Variants in EDAR observed in about 807,000 individuals in gnomAD.
The protein encoded by EDAR is tumor necrosis factor receptor superfamily member EDAR.
A neutral mutation model predicts 51.3 loss-of-function variants in EDAR; 38 were observed. The observed-to-expected ratio is 0.74, with a 90% CI of 0.57 to 0.97. EDAR has a LOEUF of 0.97. Among genes scored for constraint, EDAR ranks in the 50% least tolerant of loss-of-function variants. The pLI is 0.00. For missense variants in EDAR, 528 were observed against 595.0 expected (o/e 0.89, Z 1.17); for synonymous variants, 227 against 242.1 (o/e 0.94, Z 0.58).
chr2:108,925,402 G>A (rs1697233874), intron 4 of EDAR, among the ~76,000 whole-genome samples: 1 of 152,226 alleles, frequency 6.6e-6, no homozygotes, highest in South Asian at 2.1e-4. Flanking sequence ...CACGGCGGAT[G>A]CACAACACCC....
intron 5 of EDAR, among the ~76,000 whole-genome samples, chr2:108,914,023 G>A (rs1402868506): frequency 6.6e-6 from 1 of 151,816 alleles, no homozygotes; most frequent in Non-Finnish European, 1.5e-5. Flanking sequence ...CACTTTGGGA[G>A]GCCAAGGTGG....
chr2:108,950,331 G>T (rs1697800937), intron 1 of EDAR, among the ~76,000 whole-genome samples: 1 of 151,084 alleles, frequency 6.6e-6, no homozygotes, highest in Non-Finnish European at 1.5e-5. Context: ...GCTCACTGCA[G>T]CATCAAATTT....
intron 1 of EDAR, among the ~76,000 whole-genome samples, chr2:108,960,375 C>T (rs1431395828): frequency 6.6e-6 from 1 of 152,216 alleles, no homozygotes; most frequent in African/African-American, 2.4e-5. Context: ...TCTCAAGACG[C>T]TCTTGCTGAT....
intron 11 of EDAR, among the ~76,000 whole-genome samples, chr2:108,898,313 A>C (rs1696638744): frequency 6.6e-6 from 1 of 152,108 alleles, no homozygotes; most frequent in Admixed American, 6.5e-5. Context: ...CCCCGTGGTG[A>C]CCATGTCAGT....
rs373065732 is a variant in EDAR, at chr2:108,905,894, C to T, written c.1024+414G>A. Among the ~76,000 whole-genome samples, 4 of 152,180 alleles carry T rather than the reference C, an allele frequency of 2.6e-5. No homozygotes were observed. The South Asian group carries it at 6.2e-4, about 24-fold the overall frequency. On this transcript the variant is annotated intron_variant, in intron 11 of 11. Coordinates refer to ENST00000258443, the MANE Select transcript of EDAR (RefSeq NM_022336.4). ...GGAGGCTCCCAGGGCTATCAGACAT[C>T]GGGGATGCTCGAGGGCAGGGAGAGG...
At chr2:108,927,934 C>A (rs1037770115) in intron 4 of EDAR, among the ~76,000 whole-genome samples, 5 of 152,114 alleles carry the variant, frequency 3.3e-5, no homozygotes, top group Non-Finnish European at 7.4e-5. Context: ...CCATCTGCAC[C>A]CCTGGTCAGT....
intron 1 of EDAR, among the ~76,000 whole-genome samples, chr2:108,984,690 GTT>G (rs147598264): frequency 1.3e-5 from 2 of 150,594 alleles, no homozygotes; most frequent in Non-Finnish European, 3.0e-5. Flanking sequence ...TAGTTTGTTT[GTT>G]TTTTTTTCAT....
At chr2:108,965,514 T>A (rs1698135203) in intron 1 of EDAR, among the ~76,000 whole-genome samples, 2 of 150,672 alleles carry the variant, frequency 1.3e-5, no homozygotes, top group African/African-American at 4.9e-5. Flanking sequence ...CAGATACAGG[T>A]CTTTTGGGGA....
In EDAR at chr2:108,917,652, G is replaced by C. The variant is rs75705217; in HGVS notation, c.443-4888C>G. 4.7e-3 allele frequency among the ~76,000 whole-genome samples: 722 copies of C among 152,258 alleles called. 7 individuals are homozygous for C. Among genetic ancestry groups the C allele is most frequent in the South Asian group, 0.022 (107 of 4,826 alleles). On this transcript the variant is annotated intron_variant, in intron 5 of 11. Transcript: ENST00000258443. Reference sequence around the variant, plus strand: ...GAAGGTATGCTAAGACTAGAGGGGGGTCAAACGGGAGGCGGTGGGCCTTGC... The same window carrying C: ...GAAGGTATGCTAAGACTAGAGGGGGCTCAAACGGGAGGCGGTGGGCCTTGC...
Position 108,944,959 on chromosome 2 carries a change from C to T in EDAR, c.-18-13927G>A, listed in dbSNP as rs1697688040. Among the ~76,000 whole-genome samples the T allele has an allele frequency of 3.9e-5, 6 of 152,186 alleles. No homozygotes were observed. The South Asian group carries it at 1.2e-3, about 32-fold the overall frequency. On this transcript the variant is annotated intron_variant, in intron 1 of 11. Coordinates refer to ENST00000258443, the MANE Select transcript of EDAR (RefSeq NM_022336.4). ...CTAGGGTGTCCCTGCTTGGATGTTTCCCGTGGTGCAAAGGGCAAGGTTTCA... is the reference window on the plus strand; with the variant it reads ...CTAGGGTGTCCCTGCTTGGATGTTTTCCGTGGTGCAAAGGGCAAGGTTTCA...
intron 5 of EDAR, 103 bp from the exon 6 acceptor site, chr2:108,912,867 G>T: frequency 1.0e-6 from 1 of 968,096 alleles, no homozygotes. Context: ...GAATGGGCCT[G>T]AGGCAGTGAT....
intron 1 of EDAR, among the ~76,000 whole-genome samples, chr2:108,979,088 G>C (rs962060695): frequency 2.6e-5 from 4 of 152,300 alleles, no homozygotes; most frequent in Admixed American, 1.3e-4. Context: ...TGGAAAACCA[G>C]ATTCACTGAA....
intron 5 of EDAR, among the ~76,000 whole-genome samples, chr2:108,914,213 TCACACCACTGCACTCTA>T (rs1696986117): frequency 6.6e-6 from 1 of 151,302 alleles, no homozygotes; most frequent in Non-Finnish European, 1.5e-5. Flanking sequence ...TGAGCCGAGA[TCACACCACTGCACTCTA>T]GCCTGGGCAA....
At chr2:108,930,311 C>T in intron 2 of EDAR, 69 bp from the exon 3 acceptor site, 7 of 1,606,992 alleles carry the variant, frequency 4.4e-6, no homozygotes, top group Non-Finnish European at 6.0e-6. Flanking sequence ...TGCAAGACCC[C>T]AAGGTTGACA....
At chr2:108,988,662 C>T (rs1205744803) in intron 1 of EDAR, among the ~76,000 whole-genome samples, 1 of 152,116 alleles carries the variant, frequency 6.6e-6, no homozygotes, top group South Asian at 2.1e-4. Context: ...TGGAGGAACC[C>T]GTTGCTTCAG....
chr2:108,986,025 A>G (rs1698491736), intron 1 of EDAR, among the ~76,000 whole-genome samples: 1 of 152,108 alleles, frequency 6.6e-6, no homozygotes, highest in Non-Finnish European at 1.5e-5. Flanking sequence ...CATAGCTTTG[A>G]CTGTACAGGG....
In EDAR at chr2:108,910,852, T is replaced by C; in HGVS notation, c.656-2A>G. The C allele has an allele frequency of 6.2e-7, 1 of 1,613,918 alleles. No homozygotes were observed. Among genetic ancestry groups the C allele is most frequent in the Non-Finnish European group, 8.5e-7 (1 of 1,179,966 alleles). On this transcript the variant is annotated splice_acceptor_variant, in intron 7 of 11. Coordinates refer to ENST00000258443, the MANE Select transcript of EDAR (RefSeq NM_022336.4). LOFTEE classifies it high-confidence loss of function. ...TCCCCGGGTGGCTGGTGCAACAGGC[T>C]GGGGAGAGAGGAGGGAGTGAGCAGC...
chr2:108,910,921 G>C (rs775781155), intron 7 of EDAR, 26 bp downstream of exon 7: 3 of 1,614,098 alleles, frequency 1.9e-6, no homozygotes, highest in Admixed American at 3.3e-5. Context: ...CCAGGAAGCA[G>C]GGCACCGGCG....
At chr2:108,936,539 C>T (rs2105461503) in intron 1 of EDAR, among the ~76,000 whole-genome samples, 1 of 152,276 alleles carries the variant, frequency 6.6e-6, no homozygotes, top group African/African-American at 2.4e-5. Context: ...CTCCTTCCTC[C>T]AGGAAGACCC....
Sources: allele counts gnomAD v4.1 joint callset (sites outside exome capture counted in the v4.1 genomes callset), GRCh38; gene constraint gnomAD v4.1.1; transcripts MANE v1.5; gene names NCBI Gene and HGNC (gene_info 2026-07-23, HGNC 2026-07-21).